The following CCNL1 variants were observed in gnomAD, a reference collection of about 807,000 sequenced individuals.
The protein encoded by CCNL1 is cyclin L1.
CCNL1 carries 13 observed loss-of-function variants against 60.6 expected under a neutral mutation model. The observed-to-expected ratio is 0.21, with a 90% CI of 0.14 to 0.34. CCNL1 has a LOEUF of 0.34. Among genes scored for constraint, CCNL1 ranks in the 10% least tolerant of loss-of-function variants. The pLI is 1.00. For synonymous variants in CCNL1, 270 were observed against 244.3 expected (o/e 1.10, Z -0.98); for missense variants, 481 against 664.3 (o/e 0.72, Z 3.03).
chr3:157,159,771 G>A lies in CCNL1; in HGVS notation c.303+21C>T, dbSNP rs1351966391. Reference sequence around the variant, plus strand: ...AGGAGAGGAGAGGAGCGCCCGGCCGGCCCGGGGCCGGAGCACTGACCTGCG... The same window carrying A: ...AGGAGAGGAGAGGAGCGCCCGGCCGACCCGGGGCCGGAGCACTGACCTGCG... On this transcript the variant is annotated intron_variant, in intron 1 of 10. Transcript: ENST00000295926. 5.3e-6 allele frequency: 8 copies of A among 1,513,116 alleles called. No homozygotes were observed. In the East Asian group the frequency reaches 2.0e-4, roughly 38 times the overall value. 93.7% of individuals were successfully genotyped at this position (1,513,116 alleles called of 1,614,324 possible). A position where few individuals can be genotyped will look rare whatever the true frequency, so the allele number is the denominator to read the frequency against.
At chr3:157,156,385 T>C (rs570008509) in intron 3 of CCNL1, among the ~76,000 whole-genome samples, 1 of 152,226 alleles carries the variant, frequency 6.6e-6, no homozygotes, top group Non-Finnish European at 1.5e-5. Context: ...ATGGATACAC[T>C]GAAAATACAT....
Position 157,147,933 on chromosome 3 carries a change from A to G in CCNL1, c.*308T>C. On this transcript the variant is annotated 3_prime_UTR_variant, in exon 11 of 11. Coordinates refer to ENST00000295926, the MANE Select transcript of CCNL1 (RefSeq NM_020307.4). ...GAACAGTGTCTGCAATTTTATCTGT[A>G]TAAAAATAAGATACATTTTTACAGA... The G allele has an allele frequency of 9.4e-7, 1 of 1,069,100 alleles. No homozygotes were observed. The highest frequency in any genetic ancestry group is 1.1e-6 in the Non-Finnish European group (1 of 884,338). The allele number at this position is 1,069,100 out of a possible 1,614,324, so 66.2% of individuals were successfully genotyped here.
chr3:157,155,528 T>C (rs1261100006), intron 3 of CCNL1, among the ~76,000 whole-genome samples: 1 of 152,318 alleles, frequency 6.6e-6, no homozygotes, highest in African/African-American at 2.4e-5. Context: ...ATTTATTACC[T>C]GCAATTTTCA....
downstream of CCNL1, among the ~76,000 whole-genome samples, chr3:157,145,249 CAT>C (rs1313059272): frequency 6.6e-6 from 1 of 151,776 alleles, no homozygotes; most frequent in East Asian, 1.9e-4. Context: ...TCCTGGCTAA[CAT>C]AGGTGAAACC....
intron 2 of CCNL1, 191 bp downstream of exon 2, chr3:157,159,214 A>C (rs969053837): frequency 6.8e-5 from 44 of 649,816 alleles, no homozygotes; most frequent in Middle Eastern, 3.6e-4. Flanking sequence ...ACTTTTCGTT[A>C]AGAGGGCACT....
chr3:157,159,735 G>A (rs573286287), intron 1 of CCNL1, 57 bp downstream of exon 1: 23 of 1,384,324 alleles, frequency 1.7e-5, no homozygotes, highest in Admixed American at 1.3e-4. Context: ...GAGATGCGGC[G>A]TAGGGGACGG....
At chr3:157,156,278 C>T (rs1422159574) in intron 3 of CCNL1, among the ~76,000 whole-genome samples, 1 of 152,182 alleles carries the variant, frequency 6.6e-6, no homozygotes, top group East Asian at 1.9e-4. Flanking sequence ...CTGAAGGCCA[C>T]CTTGTAGAGC....
downstream of CCNL1, among the ~76,000 whole-genome samples, chr3:157,145,482 T>C (rs573998964): frequency 9.9e-5 from 13 of 131,342 alleles, no homozygotes; most frequent in East Asian, 2.7e-3. Context: ...GGGATTTAAT[T>C]TGTGGGTCAT....
At chr3:157,145,552 C>CCAA (rs757474672), downstream of CCNL1, among the ~76,000 whole-genome samples, 6 of 150,792 alleles carry the variant, frequency 4.0e-5, no homozygotes, top group Non-Finnish European at 8.8e-5. Context: ...CTGTAATGGG[C>CCAA]CAACCAAAAC....
chr3:157,148,999 T>TA (rs111766647), intron 10 of CCNL1: 6,139 of 284,274 alleles, frequency 0.022, no homozygotes, highest in East Asian at 0.03. Flanking sequence ...TAACTGAAAT[T>TA]AAAAAAAAAA....
At chr3:157,157,552 G>A (rs7633004) in intron 3 of CCNL1, among the ~76,000 whole-genome samples, 33,769 of 151,998 alleles carry the variant, frequency 0.22, 4,520 homozygotes, top group Admixed American at 0.41. Context: ...ACATCCTGAA[G>A]AATCAGCCAG....
At chr3:157,159,513 G>A (rs373945780) in intron 1 of CCNL1, 34 bp from the exon 2 acceptor site, 123 of 1,588,070 alleles carry the variant, frequency 7.7e-5, no homozygotes, top group Non-Finnish European at 9.3e-5. Flanking sequence ...AAGCGCAGGG[G>A]TCAGGCGGGC....
At position 157,149,314 on chromosome 3, in the gene CCNL1, C is replaced by G; in HGVS notation, c.1205G>C (p.Arg402Pro). 1 of 1,613,674 alleles carries G rather than the reference C, an allele frequency of 6.2e-7. No homozygotes were observed. The highest frequency in any genetic ancestry group is 1.1e-5 in the South Asian group (1 of 91,074). The stretch of plus-strand genomic sequence containing the variant: ...TCTTCTTGGAGTATGTGATCTAGAA[C>G]GTGATCGTGTTCTTGACCTCGATCG... ...ASRSRSRTRS[R>P]SRSHTPRRHY... is the part of the protein sequence containing the mutation. The change falls in exon 10 of 11, where the codon CGT (arginine) becomes CCT (proline). Residue 402 changes from arginine (R) to proline (P), a missense_variant. Arg to Pro is a moderately radical substitution (Grantham distance 103). This residue lies in a region of CCNL1 where 197 missense variants were observed against 233.9 expected (regional missense o/e 0.84). Coordinates refer to ENST00000295926, the MANE Select transcript of CCNL1 (RefSeq NM_020307.4).
intron 3 of CCNL1, chr3:157,157,198 A>G: frequency 3.1e-6 from 3 of 953,036 alleles, no homozygotes; most frequent in Non-Finnish European, 4.4e-6. Context: ...CTTTAAAAAA[A>G]GGCTTCCATG....
intron 5 of CCNL1, chr3:157,151,630 T>G (rs1168341743): frequency 1.0e-6 from 1 of 988,638 alleles, no homozygotes; most frequent in Non-Finnish European, 1.2e-6. Flanking sequence ...AATAAACCAT[T>G]TAATTCATAA....
At chr3:157,146,197 C>T (rs962580122), downstream of CCNL1, among the ~76,000 whole-genome samples, 5 of 151,888 alleles carry the variant, frequency 3.3e-5, no homozygotes, top group African/African-American at 9.7e-5. Flanking sequence ...ATTGGTATTG[C>T]ACAACTTTGT....
At chr3:157,149,693 C>T in intron 8 of CCNL1, 97 bp from the exon 9 acceptor site, 1 of 1,462,062 alleles carries the variant, frequency 6.8e-7, no homozygotes, top group Admixed American at 2.0e-5. Flanking sequence ...GCTTCCGCTT[C>T]CATGTTGGTT....
In CCNL1 at chr3:157,159,991, G is replaced by A. The variant is rs1319054801; in HGVS notation, c.104C>T (p.Thr35Ile). Residue 35 changes from threonine to isoleucine, a missense_variant, in exon 1 of 11, where the codon ACC becomes ATC. Coordinates refer to ENST00000295926, the MANE Select transcript of CCNL1 (RefSeq NM_020307.4). ...SSSGTTTTTT[T>I]TTGGILIGDR... is the part of the protein sequence containing the mutation. ...GCCGATCAGGATCCCTCCCGTCGTG[G>A]TCGTCGTCGTGGTCGTCGTCCCGGA... 2.5e-6 allele frequency: 4 copies of A among 1,580,320 alleles called. No homozygotes were observed. Among genetic ancestry groups the A allele is most frequent in the South Asian group, 1.2e-5 (1 of 86,668 alleles).
chr3:157,149,342 T>C lies in CCNL1; in HGVS notation c.1177A>G (p.Ser393Gly). 2 of 1,614,164 alleles carry C rather than the reference T, an allele frequency of 1.2e-6. No individual in the cohort carries two copies. Among genetic ancestry groups the C allele is most frequent in the Non-Finnish European group, 1.7e-6 (2 of 1,179,992 alleles). Residue 393 changes from serine to glycine, a missense_variant, in exon 10 of 11, where the codon AGT (serine) becomes GGT (glycine). Around this residue, in one of 5 missense-constraint regions of CCNL1, gnomAD observed 197 missense variants for 233.9 expected, o/e 0.84. Coordinates refer to ENST00000295926, the MANE Select transcript of CCNL1 (RefSeq NM_020307.4). ...GATCGTGTTCTTGACCTCGATCGAC[T>C]TGCACTTCTGCTATTTCTACTTCTC... The part of the protein sequence containing the change: ...SKRSRNSRSA[S>G]RSRSRTRSRS...
Sources: allele counts gnomAD v4.1 joint callset (sites outside exome capture counted in the v4.1 genomes callset), GRCh38; gene constraint gnomAD v4.1.1; regional missense constraint gnomAD v4.1.1; transcripts MANE v1.5; gene names NCBI Gene and HGNC (gene_info 2026-07-23, HGNC 2026-07-21).